ICA1: variants seen among roughly 807,000 people sequenced by gnomAD.
The protein encoded by ICA1 is 69 kDa islet cell autoantigen.
Under a neutral mutation model 71.0 loss-of-function variants are expected in ICA1, and 40 were observed. The observed-to-expected ratio is 0.56, with a 90% CI of 0.44 to 0.73. ICA1 has a LOEUF of 0.73. Ranked by LOEUF, ICA1 falls within the 30% of genes least tolerant of loss-of-function variation. ICA1 has a pLI of 0.00. For missense variants in ICA1, 578 were observed against 576.5 expected, an observed-to-expected ratio of 1.00 and a Z score of -0.03; for synonymous variants, 207 against 209.5, an observed-to-expected ratio of 0.99 and a Z score of 0.10.
At chr7:8,140,210 C>T (rs1260523581) in intron 10 of ICA1, among the ~76,000 whole-genome samples, 3 of 152,138 alleles carry the variant, frequency 2.0e-5, no homozygotes, top group Admixed American at 6.5e-5. Flanking sequence ...ATTAGTGATT[C>T]GTGCCGTGGG....
rs115782643 is a variant in ICA1, at chr7:8,222,517, C to T, written c.257-1119G>A. On this transcript the variant is annotated intron_variant, in intron 4 of 13. Transcript: ENST00000402384. The surrounding 1 kb of genome is among the most constrained non-coding windows in gnomAD (Gnocchi z 4.8). ...CCAGTCACTTTTCTTTAAGAATGCA[C>T]CCCCATTCCTGACATAATCTCACTA... is the stretch of plus-strand genomic sequence containing the variant. 6.6e-6 allele frequency among the ~76,000 whole-genome samples: 1 copy of T among 152,146 alleles called. No homozygotes were observed. Among genetic ancestry groups the T allele is most frequent in the African/African-American group, 2.4e-5 (1 of 41,426 alleles).
At chr7:8,238,782 A>T (rs1226824235) in intron 1 of ICA1, among the ~76,000 whole-genome samples, 2 of 152,208 alleles carry the variant, frequency 1.3e-5, no homozygotes, top group Non-Finnish European at 2.9e-5. Flanking sequence ...GGCTATTCCC[A>T]GATCATGATA....
chr7:8,190,345 A>T (rs1785187176), intron 6 of ICA1, among the ~76,000 whole-genome samples: 1 of 152,142 alleles, frequency 6.6e-6, no homozygotes, highest in Non-Finnish European at 1.5e-5. Context: ...CCAAGAGATG[A>T]TCTCTTTCCT....
chr7:8,199,536 C>T (rs541411882), intron 6 of ICA1, among the ~76,000 whole-genome samples: 1 of 151,988 alleles, frequency 6.6e-6, no homozygotes, highest in African/African-American at 2.4e-5. Context: ...CATGGTGAAA[C>T]CCTGTCTCTA....
intron 9 of ICA1, 146 bp from the exon 10 acceptor site, chr7:8,141,963 A>G: frequency 6.6e-7 from 1 of 1,507,226 alleles, no homozygotes; most frequent in Non-Finnish European, 9.0e-7. Flanking sequence ...ACATATAGTC[A>G]TTTACATGCC....
intron 1 of ICA1, among the ~76,000 whole-genome samples, chr7:8,247,316 TAG>T (rs1806402237): frequency 1.3e-5 from 2 of 151,800 alleles, no homozygotes; most frequent in African/African-American, 4.8e-5. Flanking sequence ...AGAAATTAGC[TAG>T]ACACGGTGGC....
chr7:8,245,775 C>G (rs993811546), intron 1 of ICA1, among the ~76,000 whole-genome samples: 7 of 152,124 alleles, frequency 4.6e-5, no homozygotes, highest in Non-Finnish European at 8.8e-5. Context: ...CAGCAAATCT[C>G]AATTCACACT....
In ICA1 at chr7:8,132,646, C is replaced by T. The variant is rs528646093; in HGVS notation, c.1061-4504G>A. ...GGGAGTCCCCATGAGGCGGCTCTCT[C>T]GGATGACCTCCCATCTCCCTGACAG... On this transcript the variant is annotated intron_variant, in intron 12 of 13. Coordinates refer to ENST00000402384, the MANE Select transcript of ICA1 (RefSeq NM_001136020.3). This position sits in a 1 kb window ranked among gnomAD's most constrained non-coding sequence, Gnocchi z 4.5. Among the ~76,000 whole-genome samples, 6 of 152,322 alleles carry T rather than the reference C, an allele frequency of 3.9e-5. No homozygotes were observed. The South Asian group carries it at 8.3e-4, about 21-fold the overall frequency.
intron 6 of ICA1, among the ~76,000 whole-genome samples, chr7:8,189,774 G>A (rs1227374607): frequency 6.6e-6 from 1 of 151,546 alleles, no homozygotes; most frequent in Non-Finnish European, 1.5e-5. Context: ...TGTGGGGAGG[G>A]GGCTGGGCAG....
chr7:8,241,757 G>T (rs1229482763), intron 1 of ICA1, among the ~76,000 whole-genome samples: 2 of 152,110 alleles, frequency 1.3e-5, no homozygotes, highest in East Asian at 3.9e-4. Flanking sequence ...AACAGCAGGG[G>T]TTGCAATCCT....
chr7:8,131,454 G>C (rs1005637656), intron 12 of ICA1, among the ~76,000 whole-genome samples: 1 of 152,132 alleles, frequency 6.6e-6, no homozygotes, highest in African/African-American at 2.4e-5. Flanking sequence ...TGAGGATATT[G>C]CCTACAGCCA....
rs565969840 is a variant in ICA1 at position 8,179,507 on chromosome 7, T to A, written c.580-20855A>T. Among the ~76,000 whole-genome samples, 22 of 152,374 alleles carry A rather than the reference T, an allele frequency of 1.4e-4. No homozygotes were observed. The East Asian group carries it at 3.9e-3, about 27-fold the overall frequency. On this transcript the variant is annotated intron_variant, in intron 6 of 13. Transcript: ENST00000402384. ...CAGAAATTCTCAAAATTCGTTTTCA[T>A]ACCATTTCACGCATTTGTAAAGAAA...
At chr7:8,227,372 A>T (rs1158702071) in intron 4 of ICA1, among the ~76,000 whole-genome samples, 1 of 152,154 alleles carries the variant, frequency 6.6e-6, no homozygotes. Context: ...GGAGAGAGGA[A>T]GGAGAATCTG....
Position 8,129,376 on chromosome 7 carries a change from T to TTTA in ICA1, c.1061-1235_1061-1234insTAA, listed in dbSNP as rs1440421270. Among the ~76,000 whole-genome samples, 1,387 of 142,128 alleles carry TTTA rather than the reference T, an allele frequency of 9.8e-3. 16 individuals are homozygous for TTTA. Among genetic ancestry groups the TTTA allele is most frequent in the Non-Finnish European group, 0.016 (1,041 of 65,176 alleles). The allele number at this position is 142,128 out of a possible 152,430, so 93.2% of individuals were successfully genotyped here. ...AATTAGTAAGTAAAGGCTTTTTTTT[T>TTTA]AAAAAAAAAAAAGTTCTCTGTGTTG... On this transcript the variant is annotated intron_variant, in intron 12 of 13. Transcript: ENST00000402384.
intron 6 of ICA1, among the ~76,000 whole-genome samples, chr7:8,207,750 G>A (rs898595814): frequency 6.6e-6 from 1 of 152,170 alleles, no homozygotes; most frequent in East Asian, 1.9e-4. Context: ...TGTTAGATTA[G>A]AATTACAGCA....
chr7:8,177,594 A>G (rs1002605856), intron 6 of ICA1, among the ~76,000 whole-genome samples: 1 of 152,066 alleles, frequency 6.6e-6, no homozygotes, highest in African/African-American at 2.4e-5. Context: ...CTTTTGATCT[A>G]TGTGCTATGT....
At chr7:8,157,047 C>T (rs1408982710) in intron 8 of ICA1, 69 bp downstream of exon 8, 30 of 1,612,966 alleles carry the variant, frequency 1.9e-5, no homozygotes, top group Non-Finnish European at 2.4e-5. Flanking sequence ...CTGCAATGGA[C>T]TTTGCTTGTG....
chr7:8,202,342 T>C (rs932346016), intron 6 of ICA1, among the ~76,000 whole-genome samples: 17 of 152,306 alleles, frequency 1.1e-4, no homozygotes, highest in African/African-American at 3.8e-4. Flanking sequence ...AGCGTCAAAA[T>C]CCTCATCTGT....
At chr7:8,208,758 AAGAGACAG>A (rs1240106155) in intron 6 of ICA1, among the ~76,000 whole-genome samples, 1 of 152,204 alleles carries the variant, frequency 6.6e-6, no homozygotes, top group Non-Finnish European at 1.5e-5. Context: ...AGCTACCAAA[AAGAGACAG>A]AGGCCAGCGG....
Sources: gnomAD v4.1 joint callset for allele counts (sites outside exome capture counted in the v4.1 genomes callset) on GRCh38, gnomAD v4.1.1 for gene constraint, Gnocchi (gnomAD v3.1) non-coding constraint, MANE v1.5 for transcripts, NCBI Gene and HGNC (gene_info 2026-07-23, HGNC 2026-07-21) for gene names.